Variants in EXOC2 observed in about 807,000 individuals in gnomAD.
EXOC2 encodes the protein exocyst complex component 2.
A neutral mutation model predicts 131.8 loss-of-function variants in EXOC2; 70 were observed. That is an observed-to-expected ratio of 0.53 (90% CI 0.44 to 0.65). The LOEUF is 0.65. Among genes scored for constraint, EXOC2 ranks in the 30% least tolerant of loss-of-function variants. EXOC2 has a pLI of 0.00. For synonymous variants in EXOC2, 411 were observed against 398.4 expected (o/e 1.03, Z -0.38); for missense variants, 923 against 1,108.6 (o/e 0.83, Z 2.38).
intron 11 of EXOC2, among the ~76,000 whole-genome samples, chr6:581,406 C>G (rs1758894523): frequency 6.6e-6 from 1 of 152,108 alleles, no homozygotes; most frequent in Admixed American, 6.5e-5. Context: ...TAAACATACT[C>G]AAATGAGTGA....
intron 1 of EXOC2, among the ~76,000 whole-genome samples, chr6:660,770 G>T (rs375287756): frequency 3.3e-5 from 5 of 152,086 alleles, no homozygotes; most frequent in African/African-American, 1.2e-4. Flanking sequence ...AATCACACTA[G>T]TTCACCAGCT....
At chr6:656,377 T>A in intron 1 of EXOC2, 1 of 1,614,150 alleles carries the variant, frequency 6.2e-7, no homozygotes, top group African/African-American at 1.3e-5. Flanking sequence ...ATACTCAGGG[T>A]CATCCTGCCA....
At chr6:628,690 A>C (rs1168281376) in intron 4 of EXOC2, among the ~76,000 whole-genome samples, 1 of 152,186 alleles carries the variant, frequency 6.6e-6, no homozygotes, top group African/African-American at 2.4e-5. Context: ...CACACTTCTC[A>C]GGCAGGTTGG....
In EXOC2 at chr6:599,163, A is replaced by C. The variant is rs1759986594; in HGVS notation, c.805T>G (p.Ser269Ala). 1 of 1,613,154 alleles carries C rather than the reference A, an allele frequency of 6.2e-7. No homozygotes were observed. Among genetic ancestry groups the C allele is most frequent in the Non-Finnish European group, 8.5e-7 (1 of 1,179,418 alleles). ...EVLGRKDKAD[S>A]TRNALNVLQR... ...AGCACATTGAGTGCATTTCTAGTGG[A>C]ATCTGCCTTGTCTTTCCGACCTAAT... Residue 269 changes from serine to alanine, a missense_variant, in exon 8 of 28, where the codon TCC becomes GCC. By Grantham distance (99) the Ser-to-Ala change is moderately conservative. Transcript: ENST00000230449.
At chr6:624,828 T>TA (rs979170509) in intron 4 of EXOC2, among the ~76,000 whole-genome samples, 3 of 152,228 alleles carry the variant, frequency 2.0e-5, no homozygotes, top group African/African-American at 4.8e-5. Context: ...TAAAAACTCT[T>TA]ACGTTTGTTC....
At chr6:521,327 C>T (rs1246556221) in intron 23 of EXOC2, among the ~76,000 whole-genome samples, 2 of 152,168 alleles carry the variant, frequency 1.3e-5, no homozygotes, top group African/African-American at 2.4e-5. Context: ...AACCACCACG[C>T]ACTGAGTGCC....
chr6:592,443 C>T (rs773150663), intron 11 of EXOC2, 26 bp downstream of exon 11: 1 of 1,585,128 alleles, frequency 6.3e-7, no homozygotes, highest in Non-Finnish European at 8.7e-7. Flanking sequence ...AGGAATCACA[C>T]AACACATTGG....
At chr6:630,795 T>C (rs1761807035) in intron 3 of EXOC2, among the ~76,000 whole-genome samples, 1 of 152,224 alleles carries the variant, frequency 6.6e-6, no homozygotes, top group Non-Finnish European at 1.5e-5. Context: ...TAGGCTGAAA[T>C]CAATTTGGTA....
chr6:578,053 T>C (rs1037575438), intron 11 of EXOC2, among the ~76,000 whole-genome samples: 8 of 152,184 alleles, frequency 5.3e-5, no homozygotes, highest in Non-Finnish European at 7.4e-5. Flanking sequence ...AAGACTGCTG[T>C]TTTCTCAGGG....
At chr6:555,862 G>T in intron 19 of EXOC2, 92 bp downstream of exon 19, 2 of 1,251,990 alleles carry the variant, frequency 1.6e-6, no homozygotes, top group Non-Finnish European at 2.3e-6. Flanking sequence ...TACCTATTTG[G>T]TGAACGTCAT....
chr6:645,012 A>G (rs1762515617), intron 1 of EXOC2, among the ~76,000 whole-genome samples: 1 of 152,118 alleles, frequency 6.6e-6, no homozygotes, highest in Non-Finnish European at 1.5e-5. Flanking sequence ...AGCCAAACCA[A>G]TCTTAGGAGG....
chr6:624,572 G>A (rs868650993), intron 4 of EXOC2, among the ~76,000 whole-genome samples: 1 of 152,154 alleles, frequency 6.6e-6, no homozygotes, highest in Non-Finnish European at 1.5e-5. Context: ...TGTTCCAGAT[G>A]AGGAAATGGC....
intron 1 of EXOC2, among the ~76,000 whole-genome samples, chr6:667,622 G>A (rs1490387953): frequency 4.1e-5 from 4 of 97,102 alleles, no homozygotes; most frequent in African/African-American, 1.2e-4. Context: ...TGAATCACCA[G>A]AATGCCACGG....
intron 4 of EXOC2, among the ~76,000 whole-genome samples, chr6:622,043 C>T (rs1445482810): frequency 6.6e-6 from 1 of 152,232 alleles, no homozygotes; most frequent in Middle Eastern, 3.2e-3. Context: ...AACCGGCAGG[C>T]AGCATCTGCC....
At chr6:551,413 A>G (rs865822930) in intron 21 of EXOC2, among the ~76,000 whole-genome samples, 2 of 152,248 alleles carry the variant, frequency 1.3e-5, no homozygotes, top group African/African-American at 4.8e-5. Context: ...TTTGGTCACA[A>G]AAAAACACTG....
intron 1 of EXOC2, among the ~76,000 whole-genome samples, chr6:692,432 G>A (rs1764973668): frequency 6.6e-6 from 1 of 152,218 alleles, no homozygotes; most frequent in South Asian, 2.1e-4. Context: ...AGCTACAACA[G>A]GACCTCAGGC....
chr6:671,381 T>C (rs529412403), intron 1 of EXOC2, among the ~76,000 whole-genome samples: 2 of 150,686 alleles, frequency 1.3e-5, no homozygotes, highest in East Asian at 3.9e-4. Context: ...AGAAAAACTA[T>C]TTGTTTTTTA....
intron 12 of EXOC2, among the ~76,000 whole-genome samples, chr6:573,395 C>T (rs1758395618): frequency 6.6e-6 from 1 of 152,158 alleles, no homozygotes; most frequent in Non-Finnish European, 1.5e-5. Flanking sequence ...CGCCCTGCTG[C>T]CTCCCACCTG....
chr6:534,434 A>G (rs915292858), intron 22 of EXOC2, among the ~76,000 whole-genome samples: 1 of 89,162 alleles, frequency 1.1e-5, no homozygotes, highest in Non-Finnish European at 2.1e-5. Flanking sequence ...AGAGAGAGAC[A>G]GAGAGAGAGA....
Sources: allele counts gnomAD v4.1 joint callset (sites outside exome capture counted in the v4.1 genomes callset), GRCh38; gene constraint gnomAD v4.1.1; transcripts MANE v1.5; gene names NCBI Gene and HGNC (gene_info 2026-07-23, HGNC 2026-07-21).